Variants in ADGRD1 observed in about 807,000 individuals in gnomAD.
The protein encoded by ADGRD1 is adhesion G protein-coupled receptor D1.
A neutral mutation model predicts 113.4 loss-of-function variants in ADGRD1; 77 were observed. The observed-to-expected ratio is 0.68, with a 90% CI of 0.57 to 0.82. The LOEUF is 0.82. Among genes scored for constraint, ADGRD1 ranks in the 40% least tolerant of loss-of-function variants. The pLI, the probability that ADGRD1 is intolerant of heterozygous loss-of-function variation, is 0.00. For synonymous variants in ADGRD1, 474 were observed against 475.0 expected (o/e 1.00, Z 0.03); for missense variants, 1,036 against 1,139.1 (o/e 0.91, Z 1.30).
At chr12:131,045,001 T>C (rs1882532362) in intron 13 of ADGRD1, among the ~76,000 whole-genome samples, 1 of 152,252 alleles carries the variant, frequency 6.6e-6, no homozygotes, top group Non-Finnish European at 1.5e-5. Flanking sequence ...GGGAGCGCCT[T>C]CTCCGCAGGC....
rs558614879 is a variant in ADGRD1, at chr12:130,994,758, G to A, written c.966+2366G>A. 1.3e-4 allele frequency among the ~76,000 whole-genome samples: 20 copies of A among 152,370 alleles called. No individual in the cohort carries two copies. The South Asian group carries it at 3.1e-3, about 24-fold the overall frequency. On this transcript the variant is annotated intron_variant, in intron 8 of 24. Transcript: ENST00000261654. ...GTTCACTGATGACTTTATTAATTAA[G>A]CACATTGTGCAGCCTCCGCTCTCTG...
rs1337189856 is a variant in ADGRD1, at chr12:130,992,283, A to G, written c.857A>G (p.Glu286Gly). ...CCCATCATAACCAACCTGACAGAAGAGAGAAAAACCTTCCAAAGTCCCGGA... is the reference window on the plus strand; with the variant it reads ...CCCATCATAACCAACCTGACAGAAGGGAGAAAAACCTTCCAAAGTCCCGGA... ...YHPIITNLTE[E>G]RKTFQSPGVI... Residue 286 changes from glutamate (E) to glycine (G), a missense_variant, in exon 8 of 25, where the codon GAG (glutamate) becomes GGG (glycine). Glu to Gly is a moderately conservative substitution (Grantham distance 98). Coordinates refer to ENST00000261654, the MANE Select transcript of ADGRD1 (RefSeq NM_198827.5). The G allele has an allele frequency of 6.2e-7, 1 of 1,613,786 alleles. No homozygotes were observed. Among genetic ancestry groups the G allele is most frequent in the Non-Finnish European group, 8.5e-7 (1 of 1,179,772 alleles).
At chr12:130,961,442 T>A (rs3803015) in intron 2 of ADGRD1, among the ~76,000 whole-genome samples, 74,263 of 151,366 alleles carry the variant, frequency 0.49, 21,575 homozygotes, top group South Asian at 0.76. Context: ...TCCCCACCCC[T>A]CCTCCATTTT....
intron 15 of ADGRD1, among the ~76,000 whole-genome samples, chr12:131,099,727 C>T (rs1389286139): frequency 6.6e-6 from 1 of 152,224 alleles, no homozygotes; most frequent in Non-Finnish European, 1.5e-5. Flanking sequence ...TATGGGCTCA[C>T]CTTATAACTC....
chr12:130,983,882 C>G (rs1265752180), intron 5 of ADGRD1, among the ~76,000 whole-genome samples: 1 of 152,126 alleles, frequency 6.6e-6, no homozygotes. Context: ...CACATGCTGG[C>G]AGAACAAAGG....
chr12:130,973,702 G>T (rs1871959352), intron 4 of ADGRD1, among the ~76,000 whole-genome samples: 1 of 152,174 alleles, frequency 6.6e-6, no homozygotes, highest in Non-Finnish European at 1.5e-5. Flanking sequence ...ATGAACTCGG[G>T]CTTCATGTCC....
intron 4 of ADGRD1, among the ~76,000 whole-genome samples, chr12:130,981,558 G>A (rs1034176478): frequency 6.6e-6 from 1 of 152,154 alleles, no homozygotes; most frequent in Non-Finnish European, 1.5e-5. Context: ...GCCTGGGGCT[G>A]CAGCGATCTT....
chr12:131,014,892 CTT>C (rs1213541182), intron 13 of ADGRD1, among the ~76,000 whole-genome samples: 1 of 152,202 alleles, frequency 6.6e-6, no homozygotes, highest in East Asian at 1.9e-4. Flanking sequence ...CACTGCCATT[CTT>C]TAGTAAAAGG....
intron 18 of ADGRD1, among the ~76,000 whole-genome samples, chr12:131,110,198 T>G (rs1950319677): frequency 6.6e-6 from 1 of 152,224 alleles, no homozygotes; most frequent in African/African-American, 2.4e-5. Flanking sequence ...CCATGTAATG[T>G]TATGACACAT....
At chr12:130,990,417 G>C (rs1411599903) in intron 6 of ADGRD1, 1 of 152,426 alleles carries the variant, frequency 6.6e-6, no homozygotes, top group South Asian at 2.1e-4. Context: ...TGAACAGGCA[G>C]AGAACAGCAA....
intron 18 of ADGRD1, among the ~76,000 whole-genome samples, chr12:131,110,346 AT>A (rs1196356582): frequency 2.2e-5 from 2 of 89,220 alleles, no homozygotes; most frequent in Admixed American, 1.4e-4. Flanking sequence ...TCTCTTAATG[AT>A]TTTTTTCACT....
chr12:130,997,131 G>A lies in ADGRD1; in HGVS notation c.967-3252G>A, dbSNP rs1339516264. On this transcript the variant is annotated intron_variant, in intron 8 of 24. Coordinates refer to ENST00000261654, the MANE Select transcript of ADGRD1 (RefSeq NM_198827.5). ...TCCTGGACGGGGCGGCTGGCCGGGCGGGGGGCTGATCCCCCACCTCCCTCC... is the reference window on the plus strand; with the variant it reads ...TCCTGGACGGGGCGGCTGGCCGGGCAGGGGGCTGATCCCCCACCTCCCTCC... Among the ~76,000 whole-genome samples, 38 of 136,866 alleles carry A rather than the reference G, an allele frequency of 2.8e-4. 1 individual carries two copies. The highest frequency in any genetic ancestry group is 1.0e-3 in the African/African-American group (36 of 35,796). The allele number at this position is 136,866 out of a possible 152,430, so 89.8% of individuals were successfully genotyped here.
rs201760042 is a variant in ADGRD1 at position 131,111,611 on chromosome 12, ATTG to A, written c.2041+2737_2041+2739del. 5.8e-3 allele frequency among the ~76,000 whole-genome samples: 804 copies of A among 137,636 alleles called. 6 individuals are homozygous for A. Among genetic ancestry groups the A allele is most frequent in the Non-Finnish European group, 9.0e-3 (543 of 60,526 alleles). 90.3% of individuals were successfully genotyped at this position (137,636 alleles called of 152,430 possible). A position where few individuals can be genotyped will look rare whatever the true frequency, so the allele number is the denominator to read the frequency against. ...CTTCTAAGACTCTTGATTTTTCTTC[ATTG>A]TTTTTTTTTTCTTTGTTCTTCAAAT... On this transcript the variant is annotated intron_variant, in intron 18 of 24. Coordinates refer to ENST00000261654, the MANE Select transcript of ADGRD1 (RefSeq NM_198827.5).
intron 20 of ADGRD1, among the ~76,000 whole-genome samples, chr12:131,127,084 G>A (rs973400726): frequency 1.3e-5 from 2 of 151,998 alleles, no homozygotes; most frequent in South Asian, 2.1e-4. Context: ...GAAAAAATGT[G>A]CCTGGAAAAT....
At chr12:131,092,951 G>T (rs932784327) in intron 15 of ADGRD1, among the ~76,000 whole-genome samples, 3 of 151,536 alleles carry the variant, frequency 2.0e-5, no homozygotes, top group Non-Finnish European at 4.4e-5. Flanking sequence ...CCTCTGGCTG[G>T]AAACGATGCT....
At chr12:131,138,743 C>T (rs938039717) in intron 24 of ADGRD1, among the ~76,000 whole-genome samples, 8 of 152,222 alleles carry the variant, frequency 5.3e-5, no homozygotes, top group African/African-American at 1.7e-4. Context: ...TTAGGGACCA[C>T]GTCTGCCCTG....
At chr12:131,087,041 G>A (rs1281103839) in intron 15 of ADGRD1, among the ~76,000 whole-genome samples, 3 of 152,130 alleles carry the variant, frequency 2.0e-5, no homozygotes, top group Non-Finnish European at 4.4e-5. Context: ...AAGTAGCTGG[G>A]ACTACAGGCA....
chr12:131,033,070 A>G (rs950352693), intron 13 of ADGRD1, among the ~76,000 whole-genome samples: 1 of 152,212 alleles, frequency 6.6e-6, no homozygotes, highest in African/African-American at 2.4e-5. Flanking sequence ...ATGGCGCGCG[A>G]CGAGCCCCGC....
At chr12:131,109,511 A>G (rs1175847616) in intron 18 of ADGRD1, among the ~76,000 whole-genome samples, 3 of 152,122 alleles carry the variant, frequency 2.0e-5, no homozygotes, top group East Asian at 1.9e-4. Flanking sequence ...TTGATTATTT[A>G]TGTTGTTTAA....
Sources: allele counts gnomAD v4.1 joint callset (sites outside exome capture counted in the v4.1 genomes callset), GRCh38; gene constraint gnomAD v4.1.1; transcripts MANE v1.5; gene names NCBI Gene and HGNC (gene_info 2026-07-23, HGNC 2026-07-21).